KLF8: variants seen among roughly 807,000 people sequenced by gnomAD.
The protein encoded by KLF8 is Krueppel-like factor 8.
KLF8 carries 10 observed loss-of-function variants against 18.2 expected under a neutral mutation model. That is an observed-to-expected ratio of 0.55 (90% CI 0.34 to 0.93). KLF8 has a LOEUF of 0.93. KLF8 is among the 40% of genes least tolerant of loss of function. The probability of loss-of-function intolerance (pLI) is 0.02; values close to 1 mark genes in which losing one functional copy is unlikely to be tolerated. For synonymous variants in KLF8, 109 were observed against 97.3 expected, an observed-to-expected ratio of 1.12 and a Z score of -0.71; for missense variants, 264 against 277.9, an observed-to-expected ratio of 0.95 and a Z score of 0.36.
At chrX:56,191,233 C>G in the KLF8 span, among the ~76,000 whole-genome samples, 1 of 111,573 alleles carries the variant, frequency 9.0e-6, no homozygotes, top group East Asian at 2.8e-4. Context: ...TTGCTAGAAA[C>G]ATACAGCCTA....
chrX:56,077,783 G>A, the KLF8 span, among the ~76,000 whole-genome samples: 4 of 111,765 alleles, frequency 3.6e-5, no homozygotes, highest in Non-Finnish European at 7.5e-5. Flanking sequence ...AACATGGAAT[G>A]TTCTTCCATT....
chrX:55,960,345 C>T, the KLF8 span, among the ~76,000 whole-genome samples: 18 of 110,787 alleles, frequency 1.6e-4, no homozygotes, highest in Non-Finnish European at 2.6e-4. Flanking sequence ...GGAGAAACCC[C>T]GTCTCTACTA....
the KLF8 span, among the ~76,000 whole-genome samples, chrX:55,913,210 A>C: frequency 1.8e-5 from 2 of 111,305 alleles, no homozygotes; most frequent in Non-Finnish European, 3.8e-5. Flanking sequence ...TCTCTACTAC[A>C]TTCAAGGCTG....
intron 5 of KLF8, 60 bp downstream of exon 5, chrX:56,270,381 C>CACACACACACGAGAGAGAGA (rs1355621837): frequency 1.7e-6 from 1 of 579,613 alleles, no homozygotes; most frequent in African/African-American, 6.4e-5. Flanking sequence ...CACACACACA[C>CACACACACACGAGAGAGAGA]GAGAGAGAGA....
the KLF8 span, among the ~76,000 whole-genome samples, chrX:56,112,943 T>A: frequency 9.0e-6 from 1 of 111,555 alleles, no homozygotes; most frequent in African/African-American, 3.3e-5. Context: ...CTGGACATGG[T>A]GGCTCATGCC....
At chrX:56,260,499 A>G (rs1191375216) in intron 2 of KLF8, among the ~76,000 whole-genome samples, 1 of 112,174 alleles carries the variant, frequency 8.9e-6, no homozygotes, top group African/African-American at 3.2e-5. Context: ...GTGAACAAAT[A>G]TATGCATACA....
the KLF8 span, among the ~76,000 whole-genome samples, chrX:56,051,524 A>T: frequency 1.3e-4 from 14 of 110,092 alleles, no homozygotes; most frequent in African/African-American, 3.0e-4. Flanking sequence ...TCCTTCACTT[A>T]TGAAGCTTAG....
the KLF8 span, among the ~76,000 whole-genome samples, chrX:56,051,335 C>T: frequency 5.5e-5 from 6 of 109,355 alleles, no homozygotes; most frequent in African/African-American, 1.3e-4. Flanking sequence ...TTATTTTGCT[C>T]GTTAGTTGAT....
the KLF8 span, among the ~76,000 whole-genome samples, chrX:55,910,306 T>C: frequency 8.9e-6 from 1 of 111,951 alleles, no homozygotes; most frequent in Non-Finnish European, 1.9e-5. Flanking sequence ...TATGCCTTCT[T>C]GGAGATTATA....
At chrX:56,277,948 G>A (rs2067144010) in intron 5 of KLF8, among the ~76,000 whole-genome samples, 1 of 112,640 alleles carries the variant, frequency 8.9e-6, no homozygotes, top group Admixed American at 9.3e-5. Context: ...TAGGCTTACA[G>A]GGAGTACTTC....
chrX:56,013,534 TA>T, the KLF8 span, among the ~76,000 whole-genome samples: 1 of 111,822 alleles, frequency 8.9e-6, no homozygotes, highest in Non-Finnish European at 1.9e-5. Context: ...GTTTTGTCCC[TA>T]CCAAAATCTC....
At chrX:56,082,163 G>A in the KLF8 span, among the ~76,000 whole-genome samples, 2 of 111,659 alleles carry the variant, frequency 1.8e-5, no homozygotes, top group Admixed American at 9.5e-5. Context: ...TTGCCATTTC[G>A]TCGTGATCTA....
the KLF8 span, among the ~76,000 whole-genome samples, chrX:55,957,640 A>T: frequency 1.8e-5 from 2 of 111,582 alleles, no homozygotes; most frequent in African/African-American, 6.5e-5. Context: ...GTATTTTATT[A>T]TTGTTGATGC....
At chrX:55,987,787 C>A in the KLF8 span, among the ~76,000 whole-genome samples, 2 of 112,204 alleles carry the variant, frequency 1.8e-5, no homozygotes, top group Non-Finnish European at 3.8e-5. Context: ...CTGACTTCCA[C>A]AATGGTTGAA....
At chrX:56,040,328 T>C in the KLF8 span, among the ~76,000 whole-genome samples, 3 of 111,854 alleles carry the variant, frequency 2.7e-5, no homozygotes, top group Admixed American at 2.8e-4. Flanking sequence ...TGCTTCCAGA[T>C]TTTTCCCATT....
chrX:56,082,605 C>G, the KLF8 span, among the ~76,000 whole-genome samples: 3 of 109,779 alleles, frequency 2.7e-5, no homozygotes, highest in Admixed American at 2.9e-4. Flanking sequence ...TATAAATTGC[C>G]CTTTTATCAT....
the KLF8 span, among the ~76,000 whole-genome samples, chrX:56,001,845 C>T: frequency 2.7e-5 from 3 of 112,143 alleles, no homozygotes; most frequent in Admixed American, 1.9e-4. Context: ...GGTTTCTTTA[C>T]TAACCTCCTC....
chrX:56,083,134 T>G, the KLF8 span, among the ~76,000 whole-genome samples: 1 of 112,120 alleles, frequency 8.9e-6, no homozygotes, highest in Non-Finnish European at 1.9e-5. Flanking sequence ...TTTCATGCTC[T>G]TTGATTACCA....
the KLF8 span, among the ~76,000 whole-genome samples, chrX:55,947,642 A>G: frequency 9.0e-6 from 1 of 110,787 alleles, no homozygotes; most frequent in African/African-American, 3.3e-5. Context: ...TATAGTAATA[A>G]AAAAAATGCA....
Sources: allele counts gnomAD v4.1 joint callset (sites outside exome capture counted in the v4.1 genomes callset), GRCh38; gene constraint gnomAD v4.1.1; transcripts MANE v1.5; gene names NCBI Gene and HGNC (gene_info 2026-07-23, HGNC 2026-07-21).